The following CBARP variants were observed in gnomAD, a reference collection of about 807,000 sequenced individuals.
CBARP encodes voltage-dependent calcium channel beta subunit-associated regulatory protein.
In CBARP, 24 loss-of-function variants were observed where a neutral mutation model predicts 36.3. That is an observed-to-expected ratio of 0.66 (90% CI 0.48 to 0.93). CBARP has a LOEUF of 0.93. Ranked by LOEUF, CBARP falls within the 40% of genes least tolerant of loss-of-function variation. The pLI is 0.00. For synonymous variants in CBARP, 586 were observed against 453.2 expected, an observed-to-expected ratio of 1.29 and a Z score of -3.72; for missense variants, 1,146 against 980.4, an observed-to-expected ratio of 1.17 and a Z score of -2.26.
intron 8 of CBARP, among the ~76,000 whole-genome samples, chr19:1,231,643 C>A (rs966630413): frequency 1.1e-4 from 15 of 134,594 alleles, no homozygotes; most frequent in African/African-American, 4.2e-4. Context: ...ACACAGAACA[C>A]CTGTGGCCCC....
chr19:1,236,790 G>A (rs548554936), intron 1 of CBARP, among the ~76,000 whole-genome samples: 1 of 149,410 alleles, frequency 6.7e-6, no homozygotes, highest in Non-Finnish European at 1.5e-5. Context: ...TGCGGAGCAG[G>A]CCGCGGCTGG....
intron 8 of CBARP, among the ~76,000 whole-genome samples, 196 bp downstream of exon 8, chr19:1,233,230 G>A (rs772281909): frequency 3.3e-5 from 5 of 152,182 alleles, no homozygotes; most frequent in African/African-American, 4.8e-5. Context: ...GGCTCAGGCC[G>A]CCCGCACACT....
Position 1,229,499 on chromosome 19 carries a change from C to T in CBARP, c.1798G>A (p.Gly600Arg), listed in dbSNP as rs1281325569. The T allele has an allele frequency of 5.1e-6, 5 of 979,034 alleles. No homozygotes were observed. The highest frequency in any genetic ancestry group is 6.0e-6 in the Non-Finnish European group (5 of 827,660). 60.6% of individuals were successfully genotyped at this position (979,034 alleles called of 1,614,324 possible). ...GCGCCGGCAGGCGGTGCCGGGGTTC[C>T]GGCCAGGGCCGGGGCCGCGCGGGCG... ...PGARAAPALA[G>R]TPAPPAGAAR... is the part of the protein sequence containing the mutation. The change falls in exon 10 of 10, where the codon GGA (glycine) becomes AGA (arginine). Residue 600 changes from glycine to arginine, a missense_variant. Gly to Arg is a moderately radical substitution (Grantham distance 125). Transcript: ENST00000650044. The surrounding 1 kb of genome is among the most constrained non-coding windows in gnomAD (Gnocchi z 5.1).
At chr19:1,230,518 C>G in intron 9 of CBARP, 1 of 1,027,084 alleles carries the variant, frequency 9.7e-7, no homozygotes, top group African/African-American at 1.7e-5. Context: ...AGCCCCTGCT[C>G]CAGGCTAGGG....
chr19:1,234,505 G>T, intron 6 of CBARP, 66 bp downstream of exon 6: 1 of 1,504,518 alleles, frequency 6.6e-7, no homozygotes, highest in Admixed American at 2.2e-5. Flanking sequence ...AGGGCGTGGG[G>T]GTCCGGGAGT....
intron 9 of CBARP, 61 bp downstream of exon 9, chr19:1,231,040 G>C (rs773662961): frequency 4.4e-5 from 68 of 1,556,106 alleles, no homozygotes; most frequent in South Asian, 7.2e-5. Context: ...GCCTAGGGGG[G>C]GGCGAAGGGG....
In CBARP at chr19:1,229,699, G is replaced by A; in HGVS notation, c.1598C>T (p.Pro533Leu). Residue 533 changes from proline (P) to leucine (L), a missense_variant, in exon 10 of 10, where the codon CCC (proline) becomes CTC (leucine). Transcript: ENST00000650044. The surrounding 1 kb of genome is among the most constrained non-coding windows in gnomAD (Gnocchi z 5.1). ...GCTGTAGTCGCGGCGCGGGCGGCGG[G>A]GCCAGGCGCGCGGGCTGCGGGGCCG... ...PARPRSPRAW[P>L]RRPRRDYSID... is the part of the protein sequence containing the mutation. The A allele has an allele frequency of 9.8e-7, 1 of 1,022,594 alleles. No homozygotes were observed. Among genetic ancestry groups the A allele is most frequent in the Non-Finnish European group, 1.2e-6 (1 of 848,706 alleles). 63.3% of individuals were successfully genotyped at this position (1,022,594 alleles called of 1,614,324 possible).
chr19:1,231,793 G>A lies in CBARP; in HGVS notation c.980-518C>T, dbSNP rs573626606. Among the ~76,000 whole-genome samples the A allele has an allele frequency of 1.1e-4, 16 of 152,056 alleles. No individual in the cohort carries two copies. In the South Asian group the frequency reaches 1.2e-3, roughly 12 times the overall value. On this transcript the variant is annotated intron_variant, in intron 8 of 9. Coordinates refer to ENST00000650044, the MANE Select transcript of CBARP (RefSeq NM_001393918.1). ...TGTGTGTACACCCTGGAGTACAGGT[G>A]AGAAAACTGAGGCACGGAGGGAAGA...
At position 1,228,683 on chromosome 19, in the gene CBARP, A is replaced by T. The variant is rs2080849122; in HGVS notation, c.*496T>A. On this transcript the variant is annotated 3_prime_UTR_variant, in exon 10 of 10. Coordinates refer to ENST00000650044, the MANE Select transcript of CBARP (RefSeq NM_001393918.1). ...ACGGTGTTGAGCCGCCTCCCGGCCC[A>T]GGGCGGCGAACTCGTCTGCGACCGT... 6.6e-6 allele frequency: 1 copy of T among 150,862 alleles called. No individual in the cohort carries two copies. The highest frequency in any genetic ancestry group is 2.4e-5 in the African/African-American group (1 of 41,044). 9.3% of individuals were successfully genotyped at this position (150,862 alleles called of 1,614,324 possible).
intron 9 of CBARP, chr19:1,230,820 CG>C: frequency 6.8e-7 from 1 of 1,469,574 alleles, no homozygotes; most frequent in Non-Finnish European, 9.0e-7. Context: ...CTTCAGGCCT[CG>C]GACTCCACCA....
At chr19:1,231,542 CCT>C (rs1398418326) in intron 8 of CBARP, among the ~76,000 whole-genome samples, 1 of 84,654 alleles carries the variant, frequency 1.2e-5, no homozygotes, top group Non-Finnish European at 2.5e-5. Flanking sequence ...CCTGTGGCCC[CCT>C]CACACACACA....
chr19:1,236,130 A>C lies in CBARP; in HGVS notation c.-21-9T>G, dbSNP rs552765936. On this transcript the variant is annotated splice_polypyrimidine_tract_variant and intron_variant, in intron 1 of 9. Coordinates refer to ENST00000650044, the MANE Select transcript of CBARP (RefSeq NM_001393918.1). ...AACTGGGGAGGAGGGCCCTGTGGGG[A>C]GGAAGCCTGGTCAGCTCCAGCTAGA... 6 of 1,413,678 alleles carry C rather than the reference A, an allele frequency of 4.2e-6. No individual in the cohort carries two copies. Among genetic ancestry groups the C allele is most frequent in the Non-Finnish European group, 5.5e-6 (6 of 1,087,966 alleles). The allele number at this position is 1,413,678 out of a possible 1,614,324, so 87.6% of individuals were successfully genotyped here.
At chr19:1,230,941 G>A in intron 9 of CBARP, 160 bp downstream of exon 9, 1 of 1,582,034 alleles carries the variant, frequency 6.3e-7, no homozygotes, top group South Asian at 1.1e-5. Context: ...CTGGAGAGGT[G>A]GCCCCAGTGA....
chr19:1,236,443 T>C (rs780466177), intron 1 of CBARP, among the ~76,000 whole-genome samples: 1 of 152,114 alleles, frequency 6.6e-6, no homozygotes, highest in Non-Finnish European at 1.5e-5. Flanking sequence ...AGCTCAGCGC[T>C]GGGCAGGGCA....
chr19:1,233,996 C>T (rs983721398), intron 7 of CBARP, among the ~76,000 whole-genome samples, 195 bp downstream of exon 7: 10 of 152,204 alleles, frequency 6.6e-5, no homozygotes, highest in East Asian at 1.9e-4. Flanking sequence ...GGGGTGCCCC[C>T]TGCATGTGTG....
chr19:1,235,438 G>T (rs2080954916), intron 4 of CBARP, 63 bp downstream of exon 4: 2 of 1,480,478 alleles, frequency 1.4e-6, no homozygotes, highest in African/African-American at 1.4e-5. Flanking sequence ...GCCCGAGGGG[G>T]CGGCGGGTGG....
Position 1,228,331 on chromosome 19 carries a change from A to C in CBARP, c.*848T>G. ...TCATCCAGAAAAGAAAAACACGAGA[A>C]ACGCCATCGCGGGATGGTGCAGACG... On this transcript the variant is annotated 3_prime_UTR_variant, in exon 10 of 10. Coordinates refer to ENST00000650044, the MANE Select transcript of CBARP (RefSeq NM_001393918.1). The C allele has an allele frequency of 7.9e-6, 2 of 253,448 alleles. No individual in the cohort carries two copies. The highest frequency in any genetic ancestry group is 1.5e-5 in the Non-Finnish European group (2 of 137,106). 15.7% of individuals were successfully genotyped at this position (253,448 alleles called of 1,614,324 possible).
chr19:1,234,545 A>T, intron 6 of CBARP, 26 bp downstream of exon 6: 2 of 1,579,886 alleles, frequency 1.3e-6, no homozygotes, highest in Admixed American at 1.8e-5. Flanking sequence ...CCCCCGAGGA[A>T]CCGGGGCTGC....
Position 1,231,196 on chromosome 19 carries a change from C to T in CBARP, c.1059G>A (p.Gln353=), listed in dbSNP as rs1389369630. 1 of 1,604,032 alleles carries T rather than the reference C, an allele frequency of 6.2e-7. No individual in the cohort carries two copies. Among genetic ancestry groups the T allele is most frequent in the Admixed American group, 1.7e-5 (1 of 59,934 alleles). The part of the protein sequence containing the change: ...STEQEEGDAP[Q]EDFIQYIARA... ...GGGCAATGTACTGGATGAAGTCCTC[C>T]TGGGGGGCATCCCCCTCCTCCTGCT... The change falls in exon 9 of 10, where the codon CAG becomes CAA. Residue 353 remains glutamine (Q), a synonymous_variant. Transcript: ENST00000650044.
Sources: gnomAD v4.1 joint callset for allele counts (sites outside exome capture counted in the v4.1 genomes callset) on GRCh38, gnomAD v4.1.1 for gene constraint, Gnocchi (gnomAD v3.1) non-coding constraint, MANE v1.5 for transcripts, NCBI Gene and HGNC (gene_info 2026-07-23, HGNC 2026-07-21) for gene names.